Variants in ALCAM observed in about 807,000 individuals in gnomAD.
The protein encoded by ALCAM is CD166 antigen.
A neutral mutation model predicts 70.9 loss-of-function variants in ALCAM; 30 were observed. The observed-to-expected ratio is 0.42, with a 90% CI of 0.32 to 0.57. The LOEUF (loss-of-function observed/expected upper bound fraction) is 0.57. Ranked by LOEUF, ALCAM falls within the 20% of genes least tolerant of loss-of-function variation. The pLI, the probability that ALCAM is intolerant of heterozygous loss-of-function variation, is 0.11. For synonymous variants in ALCAM, 249 were observed against 242.5 expected (o/e 1.03, Z -0.25); for missense variants, 591 against 695.1 (o/e 0.85, Z 1.68).
chr3:105,389,404 A>G (rs1935752874), intron 1 of ALCAM, among the ~76,000 whole-genome samples: 1 of 113,330 alleles, frequency 8.8e-6, no homozygotes, highest in Admixed American at 1.1e-4. Context: ...TTTTTCTAAA[A>G]AACACACAGG....
At chr3:105,398,235 A>G (rs1193760327) in intron 1 of ALCAM, among the ~76,000 whole-genome samples, 1 of 152,058 alleles carries the variant, frequency 6.6e-6, no homozygotes, top group African/African-American at 2.4e-5. Context: ...CTATATACCA[A>G]AACTTCAATT....
At chr3:105,504,809 G>T (rs1939024832) in intron 1 of ALCAM, among the ~76,000 whole-genome samples, 1 of 152,178 alleles carries the variant, frequency 6.6e-6, no homozygotes, top group Non-Finnish European at 1.5e-5. Flanking sequence ...CTTCACCTAG[G>T]TGTGGGGACA....
intron 1 of ALCAM, among the ~76,000 whole-genome samples, chr3:105,471,343 A>G (rs1199561655): frequency 6.6e-6 from 1 of 151,366 alleles, no homozygotes; most frequent in Non-Finnish European, 1.5e-5. Flanking sequence ...GGATGGAAAA[A>G]TGTCATTTTC....
Position 105,534,754 on chromosome 3 carries a change from C to T in ALCAM, c.639C>T (p.Asp213=). 4 of 1,613,798 alleles carry T rather than the reference C, an allele frequency of 2.5e-6. No individual in the cohort carries two copies. Among genetic ancestry groups the T allele is most frequent in the Middle Eastern group, 1.7e-4 (1 of 6,056 alleles). ...TGGAGTACAAGACAACCAAGGCTGACATACAAATGCCATTCACCTGCTCGG... is the reference window on the plus strand; with the variant it reads ...TGGAGTACAAGACAACCAAGGCTGATATACAAATGCCATTCACCTGCTCGG... ...STLEYKTTKA[D]IQMPFTCSVT... The change falls in exon 6 of 16, where the codon GAC becomes GAT. Residue 213 remains aspartate (D), a synonymous_variant. Coordinates refer to ENST00000306107, the MANE Select transcript of ALCAM (RefSeq NM_001627.4).
At chr3:105,530,549 A>G (rs1939814095) in intron 3 of ALCAM, among the ~76,000 whole-genome samples, 1 of 151,542 alleles carries the variant, frequency 6.6e-6, no homozygotes, top group Non-Finnish European at 1.5e-5. Context: ...CTATTTTTCT[A>G]TATTTATTTT....
At chr3:105,457,207 C>G (rs1937545067) in intron 1 of ALCAM, among the ~76,000 whole-genome samples, 1 of 152,144 alleles carries the variant, frequency 6.6e-6, no homozygotes, top group Non-Finnish European at 1.5e-5. Context: ...AGCTCCATTC[C>G]TGTCCCTGCA....
chr3:105,504,537 T>C (rs2152617365), intron 1 of ALCAM, among the ~76,000 whole-genome samples: 1 of 138,408 alleles, frequency 7.2e-6, no homozygotes, highest in Non-Finnish European at 1.6e-5. Context: ...CTCCTTCAGC[T>C]GCCCCCGCCA....
chr3:105,541,263 C>A (rs897597094), intron 7 of ALCAM, among the ~76,000 whole-genome samples: 8 of 148,358 alleles, frequency 5.4e-5, no homozygotes, highest in African/African-American at 2.0e-4. Context: ...TTCTTTTAAT[C>A]TGGATATATA....
At chr3:105,454,094 A>C (rs1286285396) in intron 1 of ALCAM, among the ~76,000 whole-genome samples, 1 of 152,188 alleles carries the variant, frequency 6.6e-6, no homozygotes, top group Non-Finnish European at 1.5e-5. Flanking sequence ...TGCTCAAGAG[A>C]GCACACCTAT....
At chr3:105,547,362 A>G (rs544264556) in intron 10 of ALCAM, 28 bp from the exon 11 acceptor site, 1 of 1,592,228 alleles carries the variant, frequency 6.3e-7, no homozygotes. Context: ...TCTCAGTTCA[A>G]CATCTTATTT....
At chr3:105,379,150 G>C (rs994393237) in intron 1 of ALCAM, among the ~76,000 whole-genome samples, 4 of 151,920 alleles carry the variant, frequency 2.6e-5, no homozygotes, top group Non-Finnish European at 4.4e-5. Context: ...TATTCAAGAA[G>C]GTAATGAATT....
chr3:105,495,833 A>G (rs1196219984), intron 1 of ALCAM, among the ~76,000 whole-genome samples: 6 of 152,232 alleles, frequency 3.9e-5, no homozygotes, highest in African/African-American at 1.4e-4. Flanking sequence ...ATTGTAGAAT[A>G]GGTCTCAGTT....
Position 105,437,423 on chromosome 3 carries a change from A to G in ALCAM, c.73+69942A>G, listed in dbSNP as rs943516428. ...ATAAGCCTTTCCCAATTTCTGAAATACTATATGTTTCTATGACAATAATAG... is the reference window on the plus strand; with the variant it reads ...ATAAGCCTTTCCCAATTTCTGAAATGCTATATGTTTCTATGACAATAATAG... On this transcript the variant is annotated intron_variant, in intron 1 of 15. Coordinates refer to ENST00000306107, the MANE Select transcript of ALCAM (RefSeq NM_001627.4). Among the ~76,000 whole-genome samples, 4 of 152,264 alleles carry G rather than the reference A, an allele frequency of 2.6e-5. No homozygotes were observed. The South Asian group carries it at 8.3e-4, about 32-fold the overall frequency.
At chr3:105,414,306 C>T (rs532462455) in intron 1 of ALCAM, among the ~76,000 whole-genome samples, 24 of 151,592 alleles carry the variant, frequency 1.6e-4, no homozygotes, top group African/African-American at 5.8e-4. Context: ...GTCCTAGGAA[C>T]TCAGGAGGCT....
At chr3:105,410,501 CATAA>C (rs1936360077) in intron 1 of ALCAM, among the ~76,000 whole-genome samples, 1 of 151,930 alleles carries the variant, frequency 6.6e-6, no homozygotes, top group African/African-American at 2.4e-5. Flanking sequence ...TGTGGTACTA[CATAA>C]ATACTCAAAC....
rs953620399 is a variant in ALCAM at position 105,561,394 on chromosome 3, A to G, written c.1664+8809A>G. Among the ~76,000 whole-genome samples the G allele has an allele frequency of 1.3e-4, 20 of 152,198 alleles. No homozygotes were observed. In the East Asian group the frequency reaches 1.5e-3, roughly 12 times the overall value. Reference sequence around the variant, plus strand: ...TTTTGCTTGCTTTTTTGGCACTCATAGGCACCTCCAATACACGGCTGAATA... The same window carrying G: ...TTTTGCTTGCTTTTTTGGCACTCATGGGCACCTCCAATACACGGCTGAATA... On this transcript the variant is annotated intron_variant, in intron 14 of 15. Coordinates refer to ENST00000306107, the MANE Select transcript of ALCAM (RefSeq NM_001627.4).
At chr3:105,375,593 G>T (rs959514337) in intron 1 of ALCAM, among the ~76,000 whole-genome samples, 2 of 152,148 alleles carry the variant, frequency 1.3e-5, no homozygotes, top group African/African-American at 2.4e-5. Flanking sequence ...CAGATGCCAA[G>T]GGAATAATTT....
At chr3:105,496,760 CTGAAGAAA>C (rs1162949448) in intron 1 of ALCAM, among the ~76,000 whole-genome samples, 1 of 151,566 alleles carries the variant, frequency 6.6e-6, no homozygotes, top group Non-Finnish European at 1.5e-5. Flanking sequence ...GAGTTCCATC[CTGAAGAAA>C]TTACTTCTCA....
intron 1 of ALCAM, among the ~76,000 whole-genome samples, chr3:105,387,374 A>G (rs878864871): frequency 2.6e-5 from 4 of 151,374 alleles, no homozygotes; most frequent in African/African-American, 7.3e-5. Context: ...TGCACAATCT[A>G]TTAGCTTTTT....
Sources: gnomAD v4.1 joint callset for allele counts (sites outside exome capture counted in the v4.1 genomes callset) on GRCh38, gnomAD v4.1.1 for gene constraint, MANE v1.5 for transcripts, NCBI Gene and HGNC (gene_info 2026-07-23, HGNC 2026-07-21) for gene names.